Variants in WWOX observed in about 807,000 individuals in gnomAD.
WWOX encodes WW domain-containing oxidoreductase.
In WWOX, 69 loss-of-function variants were observed where a neutral mutation model predicts 46.2. That is an observed-to-expected ratio of 1.49 (90% CI 1.23 to 1.82). The LOEUF (loss-of-function observed/expected upper bound fraction) is 1.82, where lower values mean the gene tolerates loss of function less well. Ranked by LOEUF, WWOX falls within the 40% of genes most tolerant of loss-of-function variation. The probability of loss-of-function intolerance (pLI) is 0.00; values close to 1 mark genes in which losing one functional copy is unlikely to be tolerated. For missense variants in WWOX, 919 were observed against 542.6 expected, an observed-to-expected ratio of 1.69 and a Z score of -6.89; for synonymous variants, 359 against 202.6, an observed-to-expected ratio of 1.77 and a Z score of -6.56.
chr16:78,644,748 C>G (rs553302837), intron 8 of WWOX, among the ~76,000 whole-genome samples: 8 of 152,316 alleles, frequency 5.3e-5, no homozygotes, highest in African/African-American at 1.9e-4. Context: ...CAGGCGTGAG[C>G]CACTGTGCCC....
intron 7 of WWOX, among the ~76,000 whole-genome samples, chr16:78,428,678 T>C (rs2083144941): frequency 6.6e-6 from 1 of 152,210 alleles, no homozygotes; most frequent in South Asian, 2.1e-4. Flanking sequence ...TTCTGTGTTA[T>C]CCTTAAATAC....
intron 8 of WWOX, among the ~76,000 whole-genome samples, chr16:78,823,863 A>T (rs1305326009): frequency 6.6e-6 from 1 of 151,634 alleles, no homozygotes; most frequent in Non-Finnish European, 1.5e-5. Context: ...ACAACCTCCA[A>T]TGCCTGGGTT....
Position 78,641,236 on chromosome 16 carries a change from A to AT in WWOX, c.1056+208494dup, listed in dbSNP as rs145952067. On this transcript the variant is annotated intron_variant, in intron 8 of 8. Coordinates refer to ENST00000566780, the MANE Select transcript of WWOX (RefSeq NM_016373.4). ...TTCAGGTCTAAGTTTCCCCCAGGAG[A>AT]TTTTTTTTTTCTAAAGGAAAAGGCA... Among the ~76,000 whole-genome samples, 168 of 149,554 alleles carry AT rather than the reference A, an allele frequency of 1.1e-3. 4 individuals are homozygous for AT. Among genetic ancestry groups the AT allele is most frequent in the African/African-American group, 3.3e-3 (134 of 40,750 alleles).
intron 6 of WWOX, among the ~76,000 whole-genome samples, chr16:78,388,086 G>A (rs1283718371): frequency 1.3e-5 from 2 of 152,162 alleles, no homozygotes; most frequent in African/African-American, 2.4e-5. Flanking sequence ...AGGTTGGAAC[G>A]TAGTGCACAA....
intron 8 of WWOX, among the ~76,000 whole-genome samples, chr16:78,700,536 G>C (rs1413288331): frequency 2.0e-5 from 3 of 152,202 alleles, no homozygotes; most frequent in Non-Finnish European, 4.4e-5. Flanking sequence ...GCACAGAGGT[G>C]TGCCCCAATT....
chr16:78,740,323 T>C (rs2049187779), intron 8 of WWOX, among the ~76,000 whole-genome samples: 1 of 152,122 alleles, frequency 6.6e-6, no homozygotes, highest in African/African-American at 2.4e-5. Context: ...GTCGGGGGGC[T>C]CCTGAGAGTT....
Position 79,083,479 on chromosome 16 carries a change from G to A in WWOX, c.1057-128129G>A, listed in dbSNP as rs190009732. ...AAGTCACTAAGATTTTGGAGGTATC[G>A]GCTGTTGCAGTAGAACCTAGCCTAT... On this transcript the variant is annotated intron_variant, in intron 8 of 8. Transcript: ENST00000566780. Among the ~76,000 whole-genome samples, 258 of 152,230 alleles carry A rather than the reference G, an allele frequency of 1.7e-3. 2 individuals carry two copies. The highest frequency in any genetic ancestry group is 6.0e-3 in the African/African-American group (248 of 41,526).
chr16:78,206,351 C>A (rs2036395735), intron 5 of WWOX, among the ~76,000 whole-genome samples: 1 of 151,712 alleles, frequency 6.6e-6, no homozygotes, highest in South Asian at 2.1e-4. Context: ...AAGGAACAAC[C>A]ATTAGAAAGG....
chr16:78,177,606 C>T lies in WWOX; in HGVS notation c.516+13317C>T, dbSNP rs1051338090. Among the ~76,000 whole-genome samples, 4 of 152,216 alleles carry T rather than the reference C, an allele frequency of 2.6e-5. No individual in the cohort carries two copies. In the East Asian group the frequency reaches 7.7e-4, roughly 29 times the overall value. On this transcript the variant is annotated intron_variant, in intron 5 of 8. Transcript: ENST00000566780. ...GAGATGTCAGGCTTGGGTGTGGTGT[C>T]GGGGAGAGGGCAGGCAGCTCCTCTA... is the stretch of plus-strand genomic sequence containing the variant.
At chr16:78,682,902 A>C (rs1237165061) in intron 8 of WWOX, among the ~76,000 whole-genome samples, 3 of 152,262 alleles carry the variant, frequency 2.0e-5, no homozygotes, top group Admixed American at 2.0e-4. Context: ...TTTTGCAAAA[A>C]CATACTTTCG....
chr16:78,560,446 C>T (rs2044408868), intron 8 of WWOX, among the ~76,000 whole-genome samples: 1 of 152,116 alleles, frequency 6.6e-6, no homozygotes, highest in Non-Finnish European at 1.5e-5. Context: ...AGTTCAAAAC[C>T]AGCCTGGCCA....
intron 8 of WWOX, among the ~76,000 whole-genome samples, chr16:79,210,544 T>A (rs1182950753): frequency 2.0e-5 from 3 of 152,158 alleles, no homozygotes; most frequent in Non-Finnish European, 4.4e-5. Context: ...TCAGTTACCT[T>A]TTCCGGTCCT....
At chr16:78,321,349 C>CGTGT (rs1491143658) in intron 5 of WWOX, among the ~76,000 whole-genome samples, 3 of 39,942 alleles carry the variant, frequency 7.5e-5, no homozygotes, top group Admixed American at 2.9e-4. Context: ...TATATATATA[C>CGTGT]GTATATATGC....
intron 5 of WWOX, among the ~76,000 whole-genome samples, chr16:78,380,329 T>C (rs772194840): frequency 6.6e-6 from 1 of 152,208 alleles, no homozygotes; most frequent in Non-Finnish European, 1.5e-5. Context: ...GCAGTTATTA[T>C]CTTGATGCGG....
chr16:78,754,912 G>C (rs1179465175), intron 8 of WWOX, among the ~76,000 whole-genome samples: 1 of 151,978 alleles, frequency 6.6e-6, no homozygotes, highest in Non-Finnish European at 1.5e-5. Context: ...TGCAGGGGTG[G>C]TACTGCTGTC....
intron 8 of WWOX, among the ~76,000 whole-genome samples, chr16:79,122,650 G>A (rs937142026): frequency 6.7e-6 from 1 of 148,986 alleles, no homozygotes; most frequent in African/African-American, 2.5e-5. Context: ...TTGTTTTCAC[G>A]CTAATTCCTT....
At chr16:79,109,029 G>C (rs544561761) in intron 8 of WWOX, among the ~76,000 whole-genome samples, 126 of 151,960 alleles carry the variant, frequency 8.3e-4, no homozygotes, top group Non-Finnish European at 1.2e-3. Context: ...TGCAAGCTCA[G>C]ATCATCACCT....
chr16:78,449,825 A>G (rs1417356314), intron 8 of WWOX, among the ~76,000 whole-genome samples: 1 of 152,176 alleles, frequency 6.6e-6, no homozygotes, highest in African/African-American at 2.4e-5. Flanking sequence ...CGATGGCCCA[A>G]ATTGTCTTTC....
intron 8 of WWOX, among the ~76,000 whole-genome samples, chr16:79,029,367 C>T (rs550684838): frequency 6.6e-6 from 1 of 152,324 alleles, no homozygotes; most frequent in South Asian, 2.1e-4. Flanking sequence ...CTGTTAATTT[C>T]CTCCACATAC....
Sources: allele counts gnomAD v4.1 joint callset (sites outside exome capture counted in the v4.1 genomes callset), GRCh38; gene constraint gnomAD v4.1.1; transcripts MANE v1.5; gene names NCBI Gene and HGNC (gene_info 2026-07-23, HGNC 2026-07-21).